MGAM: variants seen among roughly 807,000 people sequenced by gnomAD.
The protein encoded by MGAM is alpha-1,4-glucosidase.
MGAM carries 253 observed loss-of-function variants against 358.8 expected under a neutral mutation model. The observed-to-expected ratio is 0.71, with a 90% CI of 0.64 to 0.78. MGAM has a LOEUF of 0.78. Ranked by LOEUF, MGAM falls within the 30% of genes least tolerant of loss-of-function variation. The pLI, the probability that MGAM is intolerant of heterozygous loss-of-function variation, is 0.00. For missense variants in MGAM, 3,080 were observed against 3,432.6 expected (o/e 0.90, Z 2.57); for synonymous variants, 1,105 against 1,227.1 (o/e 0.90, Z 2.08).
In MGAM at chr7:142,082,975, A is replaced by G. The variant is rs1694072194; in HGVS notation, c.6269-326A>G. On this transcript the variant is annotated intron_variant, in intron 52 of 70. Coordinates refer to ENST00000475668, the MANE Select transcript of MGAM (RefSeq NM_001365693.1). ...GTTTGCTATCTGGATGACAGGATTCATACCCCAAACTTCAGCATCGTGCAA... is the reference window on the plus strand; with the variant it reads ...GTTTGCTATCTGGATGACAGGATTCGTACCCCAAACTTCAGCATCGTGCAA... 1.4e-5 allele frequency among the ~76,000 whole-genome samples: 2 copies of G among 146,406 alleles called. 1 individual carries two copies. Among genetic ancestry groups the G allele is most frequent in the South Asian group, 4.4e-4 (2 of 4,566 alleles).
intron 10 of MGAM, 67 bp from the exon 11 acceptor site, chr7:142,030,295 A>C: frequency 6.5e-7 from 1 of 1,531,264 alleles, no homozygotes; most frequent in Non-Finnish European, 8.9e-7. Flanking sequence ...AATAACAGTG[A>C]AAATTTGATT....
chr7:142,027,038 T>C, intron 8 of MGAM, 77 bp from the exon 9 acceptor site: 1 of 1,076,846 alleles, frequency 9.3e-7, no homozygotes, highest in South Asian at 1.3e-5. Context: ...TTAGTGATCC[T>C]GTGTTATTTT....
At chr7:142,045,745 A>AAT (rs200721700) in intron 21 of MGAM, among the ~76,000 whole-genome samples, 3,066 of 25,280 alleles carry the variant, frequency 0.12, 744 homozygotes, top group African/African-American at 0.26. Flanking sequence ...ATGAATATAT[A>AAT]ATATATATCA....
At chr7:142,001,285 G>T (rs1804712499) in intron 1 of MGAM, among the ~76,000 whole-genome samples, 1 of 152,134 alleles carries the variant, frequency 6.6e-6, no homozygotes, top group East Asian at 1.9e-4. Flanking sequence ...TAGTAAGAGG[G>T]CATTACGTTG....
chr7:142,036,437 G>C (rs1343903996), intron 17 of MGAM, among the ~76,000 whole-genome samples, 152 bp downstream of exon 17: 1 of 152,128 alleles, frequency 6.6e-6, no homozygotes, highest in African/African-American at 2.4e-5. Flanking sequence ...ACCAGAATCT[G>C]TGCTGTATCA....
chr7:142,068,631 T>C lies in MGAM; in HGVS notation c.5005-16T>C. ...AAATGGTGGCACTGCCTCACCTTGT[T>C]TGTGTTTCATTTTAGAATGCCAGAA... On this transcript the variant is annotated splice_polypyrimidine_tract_variant and intron_variant, in intron 42 of 70. Transcript: ENST00000475668. 6.6e-7 allele frequency: 1 copy of C among 1,520,440 alleles called. No individual in the cohort carries two copies. Among genetic ancestry groups the C allele is most frequent in the South Asian group, 1.1e-5 (1 of 88,584 alleles). 94.2% of individuals were successfully genotyped at this position (1,520,440 alleles called of 1,614,324 possible). A position where few individuals can be genotyped will look rare whatever the true frequency, so the allele number is the denominator to read the frequency against.
At chr7:142,076,157 T>C in intron 45 of MGAM, 46 bp from the exon 46 acceptor site, 7 of 1,414,142 alleles carry the variant, frequency 5.0e-6, no homozygotes, top group Non-Finnish European at 7.0e-6. Flanking sequence ...TCTGTTCTTC[T>C]GTGGTGGGCA....
chr7:142,046,156 A>G (rs1366904173), intron 21 of MGAM, among the ~76,000 whole-genome samples: 1 of 141,366 alleles, frequency 7.1e-6, no homozygotes, highest in Non-Finnish European at 1.5e-5. Flanking sequence ...ATATATTTAT[A>G]TTATATTTTT....
intron 60 of MGAM, among the ~76,000 whole-genome samples, chr7:142,093,962 C>G (rs2961093): frequency 0.93 from 134,309 of 144,796 alleles, 63,355 homozygotes; most frequent in Non-Finnish European, 1. Flanking sequence ...TTGGTGGAGG[C>G]TAATTGGTAT....
chr7:141,999,676 G>A (rs1342071259), intron 1 of MGAM, among the ~76,000 whole-genome samples: 1 of 152,088 alleles, frequency 6.6e-6, no homozygotes, highest in African/African-American at 2.4e-5. Flanking sequence ...TTATATATTT[G>A]TCCTATAAAA....
In MGAM at chr7:142,067,416, C is replaced by T; in HGVS notation, c.4995C>T (p.Val1665=). The change falls in exon 42 of 71, where the codon GTC becomes GTT. Residue 1665 remains valine, a synonymous_variant. Transcript: ENST00000475668. ...GCCCAGCCTTCCTGGTCAGCCCTGTCCTGGAGCGCGTGAGTATGGAGGCCT... is the reference window on the plus strand; with the variant it reads ...GCCCAGCCTTCCTGGTCAGCCCTGTTCTGGAGCGCGTGAGTATGGAGGCCT... ...LLGPAFLVSP[V]LERNARNVTA... is the part of the protein sequence containing the mutation. 1 of 1,551,824 alleles carries T rather than the reference C, an allele frequency of 6.4e-7. No individual in the cohort carries two copies. Among genetic ancestry groups the T allele is most frequent in the Non-Finnish European group, 8.9e-7 (1 of 1,129,558 alleles).
rs1409140113 is a variant in MGAM at position 142,008,360 on chromosome 7, A to T, written c.128-146A>T. ...AAATACAGTCAGCAGGAACAAAGTGACATTTTATAAAGTGAATGCATAAAT... is the reference window on the plus strand; with the variant it reads ...AAATACAGTCAGCAGGAACAAAGTGTCATTTTATAAAGTGAATGCATAAAT... On this transcript the variant is annotated intron_variant, in intron 2 of 70. Transcript: ENST00000475668. 12 of 832,556 alleles carry T rather than the reference A, an allele frequency of 1.4e-5. No homozygotes were observed. In the East Asian group the frequency reaches 2.9e-4, roughly 20 times the overall value. The allele number at this position is 832,556 out of a possible 1,614,324, so 51.6% of individuals were successfully genotyped here. A position where few individuals can be genotyped will look rare whatever the true frequency, so the allele number is the denominator to read the frequency against.
chr7:142,065,281 G>C, intron 37 of MGAM, 54 bp from the exon 38 acceptor site: 1 of 1,580,168 alleles, frequency 6.3e-7, no homozygotes, highest in South Asian at 1.2e-5. Context: ...GAAGCTCTAT[G>C]GCCTTTACTC....
At position 142,027,550 on chromosome 7, in the gene MGAM, C is replaced by T. The variant is rs535467365; in HGVS notation, c.1096-60C>T. 1.2e-4 allele frequency: 198 copies of T among 1,590,396 alleles called. 2 individuals are homozygous for T. In the African/African-American group the frequency reaches 2.0e-3, roughly 16 times the overall value. ...GTTTGGTGCTCTGAAAGCAATGCTT[C>T]GAAAAATTTTTATTAAAAACAGAGT... On this transcript the variant is annotated intron_variant, in intron 9 of 70. Coordinates refer to ENST00000475668, the MANE Select transcript of MGAM (RefSeq NM_001365693.1).
At chr7:142,052,733 A>T (rs765760873) in intron 25 of MGAM, 51 bp from the exon 26 acceptor site, 1 of 1,598,000 alleles carries the variant, frequency 6.3e-7, no homozygotes, top group Non-Finnish European at 8.6e-7. Context: ...AGGTTAGAGA[A>T]CTTTAAGACC....
rs200523868 is a variant in MGAM at position 142,034,809 on chromosome 7, G to A, written c.1927G>A (p.Val643Met). ...WDDLRWSIPG[V>M]LEFNLFGIPM... ...TGACCTGAGATGGTCCATCCCTGGCGTGCTTGAGTTCAACCTTTTTGGCAT... is the reference window on the plus strand; with the variant it reads ...TGACCTGAGATGGTCCATCCCTGGCATGCTTGAGTTCAACCTTTTTGGCAT... The change falls in exon 16 of 71, where the codon GTG becomes ATG. Residue 643 changes from valine to methionine, a missense_variant. Val to Met is a conservative substitution (Grantham distance 21). Transcript: ENST00000475668. The A allele has an allele frequency of 1.1e-4, 175 of 1,613,170 alleles. No homozygotes were observed. Among genetic ancestry groups the A allele is most frequent in the Non-Finnish European group, 1.4e-4 (161 of 1,179,380 alleles).
chr7:142,051,000 G>C, intron 24 of MGAM, 136 bp downstream of exon 24: 2 of 1,159,482 alleles, frequency 1.7e-6, no homozygotes, highest in East Asian at 2.4e-5. Context: ...GAGAGGGCTG[G>C]GGAAAAAAAT....
chr7:142,047,390 C>T (rs1023392003), intron 21 of MGAM, among the ~76,000 whole-genome samples: 1 of 152,090 alleles, frequency 6.6e-6, no homozygotes, highest in Non-Finnish European at 1.5e-5. Context: ...AATGTGTCTT[C>T]CTCACAGCAC....
chr7:142,067,937 T>TATATATATAA (rs1812909428), intron 42 of MGAM, among the ~76,000 whole-genome samples: 3 of 34,012 alleles, frequency 8.8e-5, no homozygotes, highest in Non-Finnish European at 1.8e-4. Flanking sequence ...CTCCCTCAAA[T>TATATATATAA]ATATATATAT....
Sources: allele counts gnomAD v4.1 joint callset (sites outside exome capture counted in the v4.1 genomes callset), GRCh38; gene constraint gnomAD v4.1.1; transcripts MANE v1.5; gene names NCBI Gene and HGNC (gene_info 2026-07-23, HGNC 2026-07-21).